Variants in RAD54L observed in about 807,000 individuals in gnomAD.
The protein encoded by RAD54L is RAD54 like.
In RAD54L, 74 loss-of-function variants were observed where a neutral mutation model predicts 91.6. That is an observed-to-expected ratio of 0.81 (90% CI 0.67 to 0.98). The LOEUF (loss-of-function observed/expected upper bound fraction) is 0.98, where lower values mean the gene tolerates loss of function less well. Ranked by LOEUF, RAD54L falls within the 50% of genes least tolerant of loss-of-function variation. The pLI is 0.00. For missense variants in RAD54L, 887 were observed against 945.7 expected (o/e 0.94, Z 0.81); for synonymous variants, 304 against 349.7 (o/e 0.87, Z 1.46).
rs766610626 is a variant in RAD54L at position 46,274,662 on chromosome 1, C to T, written c.1814C>T (p.Ala605Val). ...CCAGCCAATGATGAACAAGCCATGGCCCGGGTCTGGCGAGATGGTCAAAAG... is the reference window on the plus strand; with the variant it reads ...CCAGCCAATGATGAACAAGCCATGGTCCGGGTCTGGCGAGATGGTCAAAAG... ...WNPANDEQAM[A>V]RVWRDGQKKT... Residue 605 changes from alanine to valine, a missense_variant, in exon 16 of 18, where the codon GCC (alanine) becomes GTC (valine). Ala to Val is a moderately conservative substitution (Grantham distance 64, BLOSUM62 0). Transcript: ENST00000371975. 6.2e-7 allele frequency: 1 copy of T among 1,614,092 alleles called. No homozygotes were observed. The highest frequency in any genetic ancestry group is 1.3e-5 in the African/African-American group (1 of 75,032).
rs749723330 is a variant in RAD54L at position 46,274,198 on chromosome 1, A to C, written c.1671A>C (p.Glu557Asp). ...MSIKKRAKVV[E>D]RFNSPSSPDF... Reference sequence around the variant, plus strand: ...TTAAGAAGCGAGCCAAGGTTGTAGAACGCTTCAATAGTCCATCGGTAAATG... The same window carrying C: ...TTAAGAAGCGAGCCAAGGTTGTAGACCGCTTCAATAGTCCATCGGTAAATG... The change falls in exon 15 of 18, where the codon GAA (glutamate) becomes GAC (aspartate). Residue 557 changes from glutamate (E) to aspartate (D), a missense_variant. By Grantham distance (45) the Glu-to-Asp change is conservative. Coordinates refer to ENST00000371975, the MANE Select transcript of RAD54L (RefSeq NM_003579.4). 1 of 1,613,020 alleles carries C rather than the reference A, an allele frequency of 6.2e-7. No individual in the cohort carries two copies. The highest frequency in any genetic ancestry group is 8.5e-7 in the Non-Finnish European group (1 of 1,179,156).
At chr1:46,269,873 C>T (rs1410537935) in intron 9 of RAD54L, among the ~76,000 whole-genome samples, 2 of 152,010 alleles carry the variant, frequency 1.3e-5, no homozygotes, top group South Asian at 2.1e-4. Flanking sequence ...GAGACCAAGG[C>T]GGGAGGGTAC....
intron 10 of RAD54L, among the ~76,000 whole-genome samples, chr1:46,271,175 GA>G (rs1210131955): frequency 5.3e-5 from 8 of 152,180 alleles, no homozygotes; most frequent in Admixed American, 5.2e-4. Flanking sequence ...GAGAAGATCT[GA>G]AAGGTGGTTG....
chr1:46,272,001 A>G (rs1475559424), intron 10 of RAD54L, among the ~76,000 whole-genome samples: 1 of 119,410 alleles, frequency 8.4e-6, no homozygotes, highest in Non-Finnish European at 1.7e-5. Context: ...CCTGATACAG[A>G]TGTGTTTGAC....
intron 3 of RAD54L, among the ~76,000 whole-genome samples, chr1:46,257,757 G>A (rs1001264102): frequency 6.6e-6 from 1 of 152,152 alleles, no homozygotes; most frequent in African/African-American, 2.4e-5. Context: ...TGCTGGGTCT[G>A]GGCTGATCTG....
At chr1:46,273,293 T>A in intron 12 of RAD54L, 62 bp from the exon 13 acceptor site, 4 of 1,367,996 alleles carry the variant, frequency 2.9e-6, no homozygotes, top group Non-Finnish European at 4.2e-6. Flanking sequence ...GGAGTTCTAG[T>A]GAACACTGAA....
intron 8 of RAD54L, 29 bp from the exon 9 acceptor site, chr1:46,267,430 T>C (rs1453660626): frequency 1.2e-6 from 2 of 1,613,270 alleles, no homozygotes; most frequent in East Asian, 2.2e-5. Flanking sequence ...GAATGCCACA[T>C]TGCGCTCTGA....
At position 46,260,529 on chromosome 1, in the gene RAD54L, T is replaced by C. The variant is rs763307926; in HGVS notation, c.408-13T>C. 2 of 1,613,352 alleles carry C rather than the reference T, an allele frequency of 1.2e-6. No homozygotes were observed. Among genetic ancestry groups the C allele is most frequent in the Non-Finnish European group, 1.7e-6 (2 of 1,179,424 alleles). On this transcript the variant is annotated splice_polypyrimidine_tract_variant and intron_variant, in intron 5 of 17. Coordinates refer to ENST00000371975, the MANE Select transcript of RAD54L (RefSeq NM_003579.4). ...TGTCTGAGCACGCTGTTTTCTTTGC[T>C]GTGTTTTCTCAGGGAGAAACTCCCT...
intron 2 of RAD54L, among the ~76,000 whole-genome samples, chr1:46,249,359 G>A (rs931882000): frequency 3.3e-5 from 5 of 152,224 alleles, no homozygotes; most frequent in Non-Finnish European, 7.3e-5. Context: ...TGGTACAAGT[G>A]TGTTCTTGCC....
chr1:46,255,071 T>C (rs2148281648), intron 3 of RAD54L, among the ~76,000 whole-genome samples: 1 of 152,274 alleles, frequency 6.6e-6, no homozygotes, highest in Admixed American at 6.5e-5. Context: ...TAGGGTCATG[T>C]AGGCCATTCG....
At chr1:46,273,552 A>G (rs954513291) in intron 13 of RAD54L, 72 bp from the exon 14 acceptor site, 204 of 1,611,960 alleles carry the variant, frequency 1.3e-4, no homozygotes, top group Middle Eastern at 2.1e-4. Flanking sequence ...GTTTCAAGGC[A>G]GGATATCAAG....
Position 46,278,314 on chromosome 1 carries a change from G to T in RAD54L, c.*32G>T. 1.3e-6 allele frequency: 2 copies of T among 1,580,132 alleles called. No individual in the cohort carries two copies. On this transcript the variant is annotated 3_prime_UTR_variant, in exon 18 of 18. Transcript: ENST00000371975. ...GCTGGTCTGGGTGTAGCTCTTAGAGGAAGGAGATAGGGAAAAGGGGCTCCT... is the reference window on the plus strand; with the variant it reads ...GCTGGTCTGGGTGTAGCTCTTAGAGTAAGGAGATAGGGAAAAGGGGCTCCT...
In RAD54L at chr1:46,272,709, C is replaced by G; in HGVS notation, c.1282C>G (p.Leu428Val). Residue 428 changes from leucine to valine, a missense_variant, in exon 12 of 18, where the codon CTG becomes GTG. By Grantham distance (32) the Leu-to-Val change is conservative. Coordinates refer to ENST00000371975, the MANE Select transcript of RAD54L (RefSeq NM_003579.4). The stretch of plus-strand genomic sequence containing the variant: ...TCAGACTGAGTTATACAAGAGGTTT[C>G]TGAGACAAGCCAAACCGGCAGAAGA... ...PLQTELYKRF[L>V]RQAKPAEELL... 6.2e-7 allele frequency: 1 copy of G among 1,614,154 alleles called. No homozygotes were observed. Among genetic ancestry groups the G allele is most frequent in the Non-Finnish European group, 8.5e-7 (1 of 1,180,032 alleles).
chr1:46,267,807 C>G, intron 9 of RAD54L, 198 bp downstream of exon 9: 1 of 702,498 alleles, frequency 1.4e-6, no homozygotes, highest in Non-Finnish European at 2.4e-6. Flanking sequence ...CAGCAAAGCC[C>G]ATGTTGGCCA....
chr1:46,270,939 G>T (rs1003892284), intron 10 of RAD54L, among the ~76,000 whole-genome samples, 154 bp downstream of exon 10: 1 of 152,212 alleles, frequency 6.6e-6, no homozygotes, highest in African/African-American at 2.4e-5. Flanking sequence ...AAACAAGGGA[G>T]TCTTGGAGGT....
chr1:46,260,103 T>C lies in RAD54L; in HGVS notation c.407+4T>C. The C allele has an allele frequency of 2.5e-6, 4 of 1,614,182 alleles. No individual in the cohort carries two copies. In the African/African-American group the frequency reaches 4.0e-5, roughly 16 times the overall value. On this transcript the variant is annotated splice_donor_region_variant and intron_variant, in intron 5 of 17. Transcript: ENST00000371975. ...ATGACCAGCTGAAGCTTGACAAGTA[T>C]GTGCACTGGTATTTCATAAGCAGTT...
rs922365905 is a variant in RAD54L at position 46,277,874 on chromosome 1, A to G, written c.1927A>G (p.Ser643Gly). 3.1e-6 allele frequency: 5 copies of G among 1,613,754 alleles called. No individual in the cohort carries two copies. In the African/African-American group the frequency reaches 5.3e-5, roughly 17 times the overall value. The change falls in exon 17 of 18, where the codon AGC becomes GGC. Residue 643 changes from serine (S) to glycine (G), a missense_variant. Transcript: ENST00000371975. ...QRQSHKKALS[S>G]CVVDEEQDVE... ...TCAGAGCCACAAGAAGGCACTGAGC[A>G]GCTGTGTGGTGGATGAGGAGCAGGA...
At chr1:46,270,907 G>A (rs1054631398) in intron 10 of RAD54L, 122 bp downstream of exon 10, 14 of 1,334,312 alleles carry the variant, frequency 1.0e-5, no homozygotes, top group Admixed American at 1.8e-5. Flanking sequence ...TGGGTTCTGT[G>A]TCCTAACTAT....
chr1:46,266,211 C>T (rs958618368), intron 8 of RAD54L, among the ~76,000 whole-genome samples: 1 of 152,162 alleles, frequency 6.6e-6, no homozygotes, highest in South Asian at 2.1e-4. Flanking sequence ...ATTCCTGGAC[C>T]GTGACAAGCT....
Sources: gnomAD v4.1 joint callset for allele counts (sites outside exome capture counted in the v4.1 genomes callset) on GRCh38, gnomAD v4.1.1 for gene constraint, MANE v1.5 for transcripts, NCBI Gene and HGNC (gene_info 2026-07-23, HGNC 2026-07-21) for gene names.